Variants in CADPS2 observed in about 807,000 individuals in gnomAD.
CADPS2 encodes calcium dependent secretion activator 2.
Under a neutral mutation model 172.5 loss-of-function variants are expected in CADPS2, and 93 were observed. That is an observed-to-expected ratio of 0.54 (90% CI 0.46 to 0.64). The LOEUF (loss-of-function observed/expected upper bound fraction) is 0.64. Ranked by LOEUF, CADPS2 falls within the 30% of genes least tolerant of loss-of-function variation. CADPS2 has a pLI of 0.00. For missense variants in CADPS2, 1,420 were observed against 1,565.9 expected (o/e 0.91, Z 1.57); for synonymous variants, 546 against 555.2 (o/e 0.98, Z 0.23).
rs145270089 is a variant in CADPS2 at position 122,463,907 on chromosome 7, T to C, written c.2186+7468A>G. Among the ~76,000 whole-genome samples the C allele has an allele frequency of 7.6e-3, 1,151 of 152,270 alleles. 11 individuals carry two copies. The highest frequency in any genetic ancestry group is 0.026 in the African/African-American group (1,077 of 41,546). On this transcript the variant is annotated intron_variant, in intron 14 of 29. Transcript: ENST00000449022. ...GAAGAAAAGCATGCTGAAATGAATG[T>C]TGATGTCCTAGATTCCAGTTGGAGA...
chr7:122,680,400 C>T (rs2082894576), intron 2 of CADPS2, among the ~76,000 whole-genome samples: 1 of 152,158 alleles, frequency 6.6e-6, no homozygotes, highest in African/African-American at 2.4e-5. Flanking sequence ...TTAATCTAAA[C>T]CCCTCATATC....
At chr7:122,671,756 C>G (rs531099678) in intron 2 of CADPS2, among the ~76,000 whole-genome samples, 2 of 152,260 alleles carry the variant, frequency 1.3e-5, no homozygotes, top group African/African-American at 4.8e-5. Context: ...CAATGGAAAA[C>G]ACGAAAGAAG....
chr7:122,785,295 T>C lies in CADPS2; in HGVS notation c.340-48227A>G, dbSNP rs572130474. Reference sequence around the variant, plus strand: ...TCTATTTGCCTGCAGGACAAAGAGATTGTATGATTTTGTATACTTATGTAG... The same window carrying C: ...TCTATTTGCCTGCAGGACAAAGAGACTGTATGATTTTGTATACTTATGTAG... On this transcript the variant is annotated intron_variant, in intron 1 of 29. Coordinates refer to ENST00000449022, the MANE Select transcript of CADPS2 (RefSeq NM_017954.11). 1.7e-4 allele frequency among the ~76,000 whole-genome samples: 26 copies of C among 152,320 alleles called. No homozygotes were observed. In the South Asian group the frequency reaches 4.1e-3, roughly 24 times the overall value.
intron 12 of CADPS2, among the ~76,000 whole-genome samples, chr7:122,476,895 A>C (rs2093017844): frequency 6.6e-6 from 1 of 150,670 alleles, no homozygotes; most frequent in South Asian, 2.1e-4. Context: ...GTGGCAGTAT[A>C]GTCTTAGTTT....
intron 24 of CADPS2, chr7:122,382,325 T>C (rs992380239): frequency 3.3e-5 from 5 of 152,162 alleles, no homozygotes; most frequent in Non-Finnish European, 7.4e-5. Context: ...GTAAAAGTAA[T>C]ATTTGTGTGT....
intron 2 of CADPS2, among the ~76,000 whole-genome samples, chr7:122,722,088 C>T (rs2109965): frequency 0.66 from 99,816 of 151,562 alleles, 33,697 homozygotes; most frequent in Middle Eastern, 0.84. Context: ...CAATATCATA[C>T]TGAATGGGCA....
intron 2 of CADPS2, among the ~76,000 whole-genome samples, chr7:122,671,196 A>G (rs1422130155): frequency 6.6e-6 from 1 of 152,218 alleles, no homozygotes; most frequent in East Asian, 1.9e-4. Flanking sequence ...CTCACTGGAC[A>G]GTAAGTTCCA....
At chr7:122,497,355 C>T (rs1373492682) in intron 9 of CADPS2, among the ~76,000 whole-genome samples, 1 of 151,990 alleles carries the variant, frequency 6.6e-6, no homozygotes, top group Admixed American at 6.6e-5. Flanking sequence ...CTTATCTTGC[C>T]CTTTGTATTT....
intron 1 of CADPS2, among the ~76,000 whole-genome samples, chr7:122,815,071 CAAG>C (rs1436896862): frequency 3.9e-5 from 6 of 151,944 alleles, no homozygotes; most frequent in Non-Finnish European, 7.4e-5. Context: ...ATGCCAATGC[CAAG>C]AAGGAGTTAA....
intron 28 of CADPS2, among the ~76,000 whole-genome samples, chr7:122,343,109 G>T (rs1053622824): frequency 1.3e-5 from 2 of 151,936 alleles, no homozygotes; most frequent in Non-Finnish European, 2.9e-5. Flanking sequence ...GCTGATTAGG[G>T]GCTTTTAGTA....
rs181464670 is a variant in CADPS2, at chr7:122,836,417, T to A, written c.339+49582A>T. On this transcript the variant is annotated intron_variant, in intron 1 of 29. Transcript: ENST00000449022. The stretch of plus-strand genomic sequence containing the variant: ...TAACATCATAATGACAGGATCAAAT[T>A]CACACATAACAATATTAACCTTAAA... 5.9e-3 allele frequency among the ~76,000 whole-genome samples: 903 copies of A among 151,978 alleles called. 8 individuals carry two copies. Among genetic ancestry groups the A allele is most frequent in the African/African-American group, 0.021 (866 of 41,454 alleles).
chr7:122,835,912 T>G (rs1465938205), intron 1 of CADPS2, among the ~76,000 whole-genome samples: 1 of 151,950 alleles, frequency 6.6e-6, no homozygotes, highest in Non-Finnish European at 1.5e-5. Context: ...ACATTCAAAC[T>G]CAGGAAATAC....
chr7:122,499,836 G>T (rs1445605644), intron 9 of CADPS2, among the ~76,000 whole-genome samples: 1 of 151,774 alleles, frequency 6.6e-6, no homozygotes, highest in African/African-American at 2.4e-5. Flanking sequence ...AATATATTGG[G>T]CAGCTAATTC....
chr7:122,739,896 A>C (rs2092377201), intron 1 of CADPS2, among the ~76,000 whole-genome samples: 1 of 152,200 alleles, frequency 6.6e-6, no homozygotes, highest in African/African-American at 2.4e-5. Flanking sequence ...AAATACAATC[A>C]GAAATGTACT....
intron 3 of CADPS2, among the ~76,000 whole-genome samples, chr7:122,640,646 T>C (rs924741291): frequency 1.3e-5 from 2 of 151,908 alleles, no homozygotes; most frequent in Non-Finnish European, 2.9e-5. Flanking sequence ...AAAAAAATAT[T>C]GTTGGCTGGG....
chr7:122,886,369 G>A lies in CADPS2; in HGVS notation c.-32C>T. On this transcript the variant is annotated 5_prime_UTR_variant, in exon 1 of 30. Transcript: ENST00000449022. ...CGGGGATCCCCGCCGCTCGGCCCGC[G>A]GTCCCCAAGCGCCTCACCCCCGGCG... 5 of 1,487,172 alleles carry A rather than the reference G, an allele frequency of 3.4e-6. No individual in the cohort carries two copies. Among genetic ancestry groups the A allele is most frequent in the South Asian group, 1.3e-5 (1 of 79,252 alleles). 92.1% of individuals were successfully genotyped at this position (1,487,172 alleles called of 1,614,324 possible). A position where few individuals can be genotyped will look rare whatever the true frequency, so the allele number is the denominator to read the frequency against.
At chr7:122,776,038 G>A (rs1360818676) in intron 1 of CADPS2, among the ~76,000 whole-genome samples, 3 of 152,096 alleles carry the variant, frequency 2.0e-5, no homozygotes, top group African/African-American at 4.8e-5. Flanking sequence ...CAACAAAAAG[G>A]AGGGTTTTTT....
intron 1 of CADPS2, among the ~76,000 whole-genome samples, chr7:122,854,141 C>T (rs1213974397): frequency 6.6e-6 from 1 of 152,120 alleles, no homozygotes; most frequent in Non-Finnish European, 1.5e-5. Context: ...GGGTGGATAA[C>T]TTGAGGCCAG....
chr7:122,477,538 C>G (rs2056841992), intron 12 of CADPS2, among the ~76,000 whole-genome samples: 1 of 149,870 alleles, frequency 6.7e-6, no homozygotes, highest in South Asian at 2.1e-4. Context: ...CACCCCCGAC[C>G]CCACCAAAAA....
Sources: allele counts gnomAD v4.1 joint callset (sites outside exome capture counted in the v4.1 genomes callset), GRCh38; gene constraint gnomAD v4.1.1; transcripts MANE v1.5; gene names NCBI Gene and HGNC (gene_info 2026-07-23, HGNC 2026-07-21).